EPHA6: variants seen among roughly 807,000 people sequenced by gnomAD.
The protein encoded by EPHA6 is EPH receptor A6, also known as ephrin type-A receptor 6.
A neutral mutation model predicts 112.0 loss-of-function variants in EPHA6; 50 were observed. The ratio of observed to expected loss-of-function variants is 0.45; its 90% CI spans 0.36 to 0.56. The LOEUF is 0.56. EPHA6 is among the 20% of genes least tolerant of loss of function. The pLI, the probability that EPHA6 is intolerant of heterozygous loss-of-function variation, is 0.00. For missense variants in EPHA6, 1,280 were observed against 1,417.4 expected, an observed-to-expected ratio of 0.90 and a Z score of 1.56; for synonymous variants, 529 against 490.7, an observed-to-expected ratio of 1.08 and a Z score of -1.03.
intron 3 of EPHA6, among the ~76,000 whole-genome samples, chr3:97,143,880 A>G (rs543706452): frequency 6.6e-6 from 1 of 151,866 alleles, no homozygotes; most frequent in South Asian, 2.1e-4. Flanking sequence ...CTATGTGTGT[A>G]TTCAGGGAGG....
At chr3:97,517,613 C>T (rs1215726734) in intron 10 of EPHA6, among the ~76,000 whole-genome samples, 1 of 152,018 alleles carries the variant, frequency 6.6e-6, no homozygotes, top group African/African-American at 2.4e-5. Flanking sequence ...TTAAAATCTA[C>T]TCTCTCAGCA....
At chr3:96,966,784 G>A (rs1334870039) in intron 2 of EPHA6, among the ~76,000 whole-genome samples, 4 of 151,814 alleles carry the variant, frequency 2.6e-5, no homozygotes, top group African/African-American at 9.7e-5. Flanking sequence ...TTTACAATGT[G>A]ATTTTTCTTC....
intron 3 of EPHA6, among the ~76,000 whole-genome samples, chr3:97,200,700 G>C (rs542175547): frequency 6.6e-6 from 1 of 152,058 alleles, no homozygotes; most frequent in African/African-American, 2.4e-5. Flanking sequence ...CTAAAATCTT[G>C]CTAGTGCTCA....
intron 3 of EPHA6, among the ~76,000 whole-genome samples, chr3:97,040,530 A>G (rs1001140837): frequency 1.3e-5 from 2 of 152,026 alleles, no homozygotes; most frequent in East Asian, 3.9e-4. Flanking sequence ...AGAAAAGCTT[A>G]TTATGAATTC....
intron 5 of EPHA6, among the ~76,000 whole-genome samples, chr3:97,268,320 G>A (rs2079766263): frequency 6.6e-6 from 1 of 152,122 alleles, no homozygotes; most frequent in Admixed American, 6.5e-5. Flanking sequence ...GATCAAGTTT[G>A]GTGCATTTTA....
At chr3:97,539,075 CCTT>C (rs1187523237) in intron 11 of EPHA6, among the ~76,000 whole-genome samples, 9 of 123,072 alleles carry the variant, frequency 7.3e-5, no homozygotes, top group African/African-American at 3.7e-4. Flanking sequence ...TCCCTTCCTT[CCTT>C]CCTTCCTTCC....
Position 96,814,700 on chromosome 3 carries a change from C to G in EPHA6, c.77C>G (p.Pro26Arg), listed in dbSNP as rs201166256. The G allele has an allele frequency of 1.3e-5, 20 of 1,503,208 alleles. No individual in the cohort carries two copies. The highest frequency in any genetic ancestry group is 1.5e-5 in the Non-Finnish European group (17 of 1,125,690). 93.1% of individuals were successfully genotyped at this position (1,503,208 alleles called of 1,614,324 possible). The change falls in exon 1 of 18, where the codon CCT becomes CGT. Residue 26 changes from proline to arginine, a missense_variant. Pro to Arg is a moderately radical substitution (Grantham distance 103, BLOSUM62 -2). This residue lies in a region of EPHA6 where 220 missense variants were observed against 171.5 expected (regional missense o/e 1.28). Transcript: ENST00000389672. ...GCGTCCTCCTCCGAAGCAGCTGCAC[C>G]TGCAACTGGGCAGCCTGGACCCTCG... is the stretch of plus-strand genomic sequence containing the variant. The part of the protein sequence containing the change: ...QAASSSEAAA[P>R]ATGQPGPSCP...
rs778587736 is a variant in EPHA6, at chr3:97,243,993, G to A, written c.1312G>A (p.Glu438Lys). 1.2e-6 allele frequency: 2 copies of A among 1,611,806 alleles called. No individual in the cohort carries two copies. The highest frequency in any genetic ancestry group is 1.7e-6 in the Non-Finnish European group (2 of 1,178,698). Reference protein sequence around the residue: ...APRNVVFNINETALILEWSPP... With the variant: ...APRNVVFNINKTALILEWSPP... ...TAGGAATGTGGTTTTTAACATCAAT[G>A]AAACAGCCCTTATTTTGGAATGGAG... Residue 438 changes from glutamate (E) to lysine (K), a missense_variant, in exon 5 of 18, where the codon GAA (glutamate) becomes AAA (lysine). Around this residue, in one of 4 missense-constraint regions of EPHA6, gnomAD observed 878 missense variants for 999.7 expected, o/e 0.88. Coordinates refer to ENST00000389672, the MANE Select transcript of EPHA6 (RefSeq NM_001080448.3).
chr3:97,315,610 A>T (rs2081789464), intron 5 of EPHA6, among the ~76,000 whole-genome samples: 1 of 151,706 alleles, frequency 6.6e-6, no homozygotes, highest in South Asian at 2.1e-4. Flanking sequence ...TTTACACGTG[A>T]TGTTTCTTAA....
intron 7 of EPHA6, among the ~76,000 whole-genome samples, chr3:97,451,092 T>G (rs16838668): frequency 0.12 from 18,737 of 151,878 alleles, 3,705 homozygotes; most frequent in African/African-American, 0.41. Flanking sequence ...AGATGAAAAT[T>G]GTAAAATGGT....
At chr3:97,032,090 A>C (rs1217158217) in intron 3 of EPHA6, among the ~76,000 whole-genome samples, 5 of 152,208 alleles carry the variant, frequency 3.3e-5, no homozygotes, top group Non-Finnish European at 7.3e-5. Context: ...AATGTGGCAC[A>C]TATACACCAT....
chr3:96,865,769 G>A (rs2036274892), intron 1 of EPHA6, among the ~76,000 whole-genome samples: 1 of 151,274 alleles, frequency 6.6e-6, no homozygotes, highest in Non-Finnish European at 1.5e-5. Context: ...TTAATGATGT[G>A]GTACCAAAGC....
At chr3:97,479,952 C>T (rs1212646979) in intron 9 of EPHA6, among the ~76,000 whole-genome samples, 1 of 152,144 alleles carries the variant, frequency 6.6e-6, no homozygotes, top group Non-Finnish European at 1.5e-5. Flanking sequence ...CCACCTCCAC[C>T]TCCAAATTGC....
In EPHA6 at chr3:96,987,830, G is replaced by T. The variant is rs2043077813; in HGVS notation, c.951G>T (p.Arg317Ser). 1.2e-6 allele frequency: 2 copies of T among 1,613,868 alleles called. No individual in the cohort carries two copies. The highest frequency in any genetic ancestry group is 2.7e-5 in the African/African-American group (2 of 74,992). ...NLAMFPDTIPRVDSSSLVEVR... is the reference protein window; with the variant it reads ...NLAMFPDTIPSVDSSSLVEVR... Reference sequence around the variant, plus strand: ...CCATGTTTCCTGATACCATTCCAAGGGTTGATTCCTCCTCTTTGGTTGAAG... The same window carrying T: ...CCATGTTTCCTGATACCATTCCAAGTGTTGATTCCTCCTCTTTGGTTGAAG... The change falls in exon 3 of 18, where the codon AGG becomes AGT. Residue 317 changes from arginine (R) to serine (S), a missense_variant. Arg to Ser is a moderately radical substitution (Grantham distance 110). Around this residue, in one of 4 missense-constraint regions of EPHA6, gnomAD observed 878 missense variants for 999.7 expected, o/e 0.88. Transcript: ENST00000389672.
At chr3:96,902,707 C>G (rs1387720669) in intron 2 of EPHA6, among the ~76,000 whole-genome samples, 1 of 152,130 alleles carries the variant, frequency 6.6e-6, no homozygotes, top group African/African-American at 2.4e-5. Context: ...CTTCTGTTGC[C>G]AGAGCCAGAA....
intron 9 of EPHA6, among the ~76,000 whole-genome samples, chr3:97,482,974 C>T (rs1327587285): frequency 1.3e-5 from 2 of 152,130 alleles, no homozygotes; most frequent in African/African-American, 2.4e-5. Flanking sequence ...AATTAATGAG[C>T]CAGCTTGGTG....
intron 6 of EPHA6, among the ~76,000 whole-genome samples, chr3:97,423,785 G>C (rs926648032): frequency 1.3e-5 from 2 of 152,076 alleles, no homozygotes; most frequent in African/African-American, 4.8e-5. Flanking sequence ...AACCAAAACA[G>C]CATGGTACAG....
chr3:97,512,682 A>G (rs941727374), intron 10 of EPHA6, among the ~76,000 whole-genome samples: 1 of 151,946 alleles, frequency 6.6e-6, no homozygotes, highest in African/African-American at 2.4e-5. Context: ...TCCTGTCTCA[A>G]TCTCCGGAGT....
intron 3 of EPHA6, among the ~76,000 whole-genome samples, chr3:97,124,469 A>AAAAGAAAGAAAGAAAGAAAG (rs35225817): frequency 0.015 from 2,246 of 149,840 alleles, 33 homozygotes; most frequent in African/African-American, 0.041. Flanking sequence ...TCTGTTTAAA[A>AAAAGAAAGAAAGAAAGAAAG]AAAGAAAGAA....
Sources: gnomAD v4.1 joint callset for allele counts (sites outside exome capture counted in the v4.1 genomes callset) on GRCh38, gnomAD v4.1.1 for gene constraint, gnomAD v4.1.1 regional missense constraint, MANE v1.5 for transcripts, NCBI Gene and HGNC (gene_info 2026-07-23, HGNC 2026-07-21) for gene names.